The following KCNMA1 variants were observed in gnomAD, a reference collection of about 807,000 sequenced individuals.
The protein encoded by KCNMA1 is potassium calcium-activated channel subfamily M alpha 1, also known as Calcium-activated potassium channel subunit alpha-1.
A neutral mutation model predicts 140.0 loss-of-function variants in KCNMA1; 29 were observed. The ratio of observed to expected loss-of-function variants is 0.21; its 90% CI spans 0.15 to 0.28. KCNMA1 has a LOEUF of 0.28. Ranked by LOEUF, KCNMA1 falls within the 10% of genes least tolerant of loss-of-function variation. The pLI is 1.00. For missense variants in KCNMA1, 880 were observed against 1,602.2 expected (o/e 0.55, Z 7.70); for synonymous variants, 612 against 611.9 (o/e 1.00, Z 0.00).
chr10:77,101,377 C>G (rs1595955422), intron 9 of KCNMA1, among the ~76,000 whole-genome samples: 1 of 152,154 alleles, frequency 6.6e-6, no homozygotes, highest in Non-Finnish European at 1.5e-5. Flanking sequence ...AAGCAGAATG[C>G]CTAATCAGTC....
chr10:76,971,409 A>G (rs762514377), intron 19 of KCNMA1, among the ~76,000 whole-genome samples: 27 of 152,212 alleles, frequency 1.8e-4, no homozygotes, highest in Non-Finnish European at 2.6e-4. Flanking sequence ...TAAATTTAGT[A>G]GGTTATGATA....
intron 20 of KCNMA1, among the ~76,000 whole-genome samples, chr10:76,954,294 T>TAC (rs889115825): frequency 1.5e-5 from 1 of 64,576 alleles, no homozygotes; most frequent in African/African-American, 4.8e-5. Flanking sequence ...CACACACACA[T>TAC]ACACACACAC....
intron 15 of KCNMA1, among the ~76,000 whole-genome samples, chr10:77,030,434 T>A (rs532146038): frequency 2.0e-5 from 3 of 152,216 alleles, no homozygotes; most frequent in Non-Finnish European, 4.4e-5. Context: ...AACCACTTTC[T>A]AATGTAAATA....
intron 1 of KCNMA1, 125 bp downstream of exon 1, chr10:77,637,140 G>A: frequency 8.0e-7 from 1 of 1,248,020 alleles, no homozygotes. Flanking sequence ...AGGGAAGGCG[G>A]CGAGGGGAAG....
At chr10:77,023,668 A>T (rs2093109527) in intron 16 of KCNMA1, among the ~76,000 whole-genome samples, 1 of 152,134 alleles carries the variant, frequency 6.6e-6, no homozygotes, top group Non-Finnish European at 1.5e-5. Flanking sequence ...AGAGAGTATG[A>T]CTGCATTTGT....
intron 5 of KCNMA1, among the ~76,000 whole-genome samples, chr10:77,145,159 G>C (rs1564805628): frequency 6.6e-6 from 1 of 152,116 alleles, no homozygotes; most frequent in Non-Finnish European, 1.5e-5. Context: ...GACCCTGTAG[G>C]TGTGGCAATA....
intron 1 of KCNMA1, among the ~76,000 whole-genome samples, chr10:77,554,866 C>T (rs1295721439): frequency 6.6e-6 from 1 of 152,046 alleles, no homozygotes; most frequent in Non-Finnish European, 1.5e-5. Flanking sequence ...TCCTGGGGGT[C>T]TTAGGGAAAG....
At chr10:76,977,589 C>T (rs1256117750) in intron 19 of KCNMA1, 3 of 702,856 alleles carry the variant, frequency 4.3e-6, no homozygotes, top group Admixed American at 2.0e-5. Context: ...TTAATCTTCT[C>T]ACATTTCCCT....
At chr10:77,187,046 C>T (rs532500721) in intron 3 of KCNMA1, among the ~76,000 whole-genome samples, 11 of 152,088 alleles carry the variant, frequency 7.2e-5, no homozygotes, top group East Asian at 1.9e-4. Flanking sequence ...CCCTCACAGT[C>T]GTTATTGGTG....
chr10:77,436,580 T>A (rs1009184016), intron 1 of KCNMA1, among the ~76,000 whole-genome samples: 2 of 152,126 alleles, frequency 1.3e-5, no homozygotes, highest in African/African-American at 4.8e-5. Flanking sequence ...CCCAGCAGGG[T>A]TAAGAATCTC....
At chr10:77,198,197 A>G (rs1378733432) in intron 3 of KCNMA1, among the ~76,000 whole-genome samples, 4 of 152,196 alleles carry the variant, frequency 2.6e-5, no homozygotes, top group Admixed American at 6.5e-5. Flanking sequence ...ACAGTTCATT[A>G]TAGAAGCAGA....
At chr10:77,491,753 A>ACACCCC (rs962644965) in intron 1 of KCNMA1, among the ~76,000 whole-genome samples, 1 of 139,860 alleles carries the variant, frequency 7.2e-6, no homozygotes, top group African/African-American at 2.6e-5. Flanking sequence ...ACACACACAC[A>ACACCCC]CCCTACATAT....
intron 3 of KCNMA1, among the ~76,000 whole-genome samples, chr10:77,203,208 G>T (rs2042996173): frequency 1.3e-5 from 2 of 152,210 alleles, no homozygotes; most frequent in Admixed American, 1.3e-4. Flanking sequence ...CTCCTGCTAT[G>T]AAGAAGGGTC....
intron 2 of KCNMA1, among the ~76,000 whole-genome samples, chr10:77,268,272 C>T (rs552929212): frequency 5.9e-5 from 9 of 152,202 alleles, no homozygotes; most frequent in South Asian, 2.1e-4. Context: ...TACCAGCAGG[C>T]GAACGACAAT....
intron 6 of KCNMA1, among the ~76,000 whole-genome samples, chr10:77,115,655 A>G (rs2153905247): frequency 6.6e-6 from 1 of 152,298 alleles, no homozygotes; most frequent in African/African-American, 2.4e-5. Context: ...GGTGCTTTGG[A>G]AAAATGACCT....
rs2049660897 is a variant in KCNMA1 at position 76,910,370 on chromosome 10, C to A, written c.3017-274G>T. ...CTGGAGGACCAATAGACTGTGCTGG[C>A]CAGTCCTTTGGCATAGCTTTAGGAT... On this transcript the variant is annotated intron_variant, in intron 24 of 27. Transcript: ENST00000286628. 1.2e-5 allele frequency: 5 copies of A among 430,702 alleles called. 1 individual carries two copies. Among genetic ancestry groups the A allele is most frequent in the South Asian group, 1.0e-4 (5 of 48,146 alleles). The allele number at this position is 430,702 out of a possible 1,614,324, so 26.7% of individuals were successfully genotyped here.
chr10:77,362,047 T>G (rs2093991412), intron 2 of KCNMA1, among the ~76,000 whole-genome samples: 1 of 152,176 alleles, frequency 6.6e-6, no homozygotes, highest in Non-Finnish European at 1.5e-5. Context: ...TGGCAGTTGA[T>G]AGCAGCTGTC....
At chr10:77,358,345 A>C (rs2093673170) in intron 2 of KCNMA1, among the ~76,000 whole-genome samples, 1 of 152,150 alleles carries the variant, frequency 6.6e-6, no homozygotes, top group Non-Finnish European at 1.5e-5. Flanking sequence ...AGTGGGATTC[A>C]CTGACTTATC....
intron 9 of KCNMA1, among the ~76,000 whole-genome samples, chr10:77,098,944 G>A (rs1413697535): frequency 6.6e-6 from 1 of 152,030 alleles, no homozygotes. Flanking sequence ...TTTAAAATAA[G>A]CAAGTCTTCC....
Sources: gnomAD v4.1 joint callset for allele counts (sites outside exome capture counted in the v4.1 genomes callset) on GRCh38, gnomAD v4.1.1 for gene constraint, MANE v1.5 for transcripts, NCBI Gene and HGNC (gene_info 2026-07-23, HGNC 2026-07-21) for gene names.